The following SORCS2 variants were observed in gnomAD, a reference collection of about 807,000 sequenced individuals.
SORCS2 encodes the protein sortilin related VPS10 domain containing receptor 2.
In SORCS2, 100 loss-of-function variants were observed where a neutral mutation model predicts 141.6. The ratio of observed to expected loss-of-function variants is 0.71; its 90% CI spans 0.60 to 0.83. The LOEUF (loss-of-function observed/expected upper bound fraction) is 0.83. Ranked by LOEUF, SORCS2 falls within the 40% of genes least tolerant of loss-of-function variation. The pLI is 0.00. For missense variants in SORCS2, 1,646 were observed against 1,560.2 expected, an observed-to-expected ratio of 1.05 and a Z score of -0.93; for synonymous variants, 789 against 676.9, an observed-to-expected ratio of 1.17 and a Z score of -2.57.
intron 3 of SORCS2, among the ~76,000 whole-genome samples, chr4:7,605,609 A>G (rs1364351465): frequency 6.6e-6 from 1 of 151,936 alleles, no homozygotes; most frequent in Non-Finnish European, 1.5e-5. Context: ...CTGTTTCCCT[A>G]TTGCTCCCTT....
At chr4:7,573,586 C>T (rs562035449) in intron 3 of SORCS2, among the ~76,000 whole-genome samples, 12 of 152,288 alleles carry the variant, frequency 7.9e-5, no homozygotes, top group Admixed American at 3.3e-4. Context: ...GGTGCAATCT[C>T]GGCTCACTGC....
At chr4:7,295,494 G>A (rs1222994055) in intron 1 of SORCS2, among the ~76,000 whole-genome samples, 2 of 152,118 alleles carry the variant, frequency 1.3e-5, no homozygotes, top group Non-Finnish European at 2.9e-5. Flanking sequence ...GTGGAGCCTG[G>A]CCGTTGGCTC....
chr4:7,410,127 G>A (rs1725209054), intron 2 of SORCS2, among the ~76,000 whole-genome samples: 1 of 152,238 alleles, frequency 6.6e-6, no homozygotes, highest in Non-Finnish European at 1.5e-5. Context: ...CTTCTGCAGA[G>A]TGTCTTACCA....
intron 1 of SORCS2, among the ~76,000 whole-genome samples, chr4:7,302,072 C>T (rs955898278): frequency 2.0e-5 from 3 of 152,226 alleles, no homozygotes; most frequent in Non-Finnish European, 2.9e-5. Context: ...ACCTGCATCC[C>T]GGCTTGCCGG....
intron 26 of SORCS2, 105 bp from the exon 27 acceptor site, chr4:7,740,095 C>T (rs1712537335): frequency 1.1e-6 from 1 of 911,678 alleles, no homozygotes; most frequent in Non-Finnish European, 1.7e-6. Flanking sequence ...AGGCCCACTG[C>T]ACGTTGGCTC....
At chr4:7,661,003 G>T (rs898906227) in intron 5 of SORCS2, among the ~76,000 whole-genome samples, 5 of 152,162 alleles carry the variant, frequency 3.3e-5, no homozygotes, top group African/African-American at 1.2e-4. Context: ...CCTTAGCACT[G>T]TATGGCTCTG....
intron 1 of SORCS2, among the ~76,000 whole-genome samples, chr4:7,240,804 C>G (rs1322992523): frequency 6.6e-6 from 1 of 152,208 alleles, no homozygotes; most frequent in Non-Finnish European, 1.5e-5. Flanking sequence ...CTCCAAAACA[C>G]CCTGAGAGTA....
intron 7 of SORCS2, among the ~76,000 whole-genome samples, chr4:7,666,898 G>T (rs1722537415): frequency 1.3e-5 from 2 of 152,112 alleles, no homozygotes; most frequent in African/African-American, 4.8e-5. Flanking sequence ...CATAGGGAAA[G>T]AAGTTAGTTC....
intron 3 of SORCS2, among the ~76,000 whole-genome samples, chr4:7,569,175 G>A (rs1715212747): frequency 2.0e-5 from 3 of 152,222 alleles, no homozygotes; most frequent in African/African-American, 4.8e-5. Context: ...GATTACGGCA[G>A]GAAGTGAGAG....
chr4:7,684,818 C>T (rs1014522194), intron 10 of SORCS2, among the ~76,000 whole-genome samples: 4 of 152,098 alleles, frequency 2.6e-5, no homozygotes, highest in Non-Finnish European at 5.9e-5. Context: ...AGCCCCCTCC[C>T]CACCACCACC....
At chr4:7,570,514 C>T (rs1254715292) in intron 3 of SORCS2, among the ~76,000 whole-genome samples, 1 of 152,244 alleles carries the variant, frequency 6.6e-6, no homozygotes, top group East Asian at 1.9e-4. Context: ...CTGCATGTCA[C>T]TGTTTTCAAA....
At chr4:7,586,381 T>C (rs1716539877) in intron 3 of SORCS2, among the ~76,000 whole-genome samples, 1 of 152,224 alleles carries the variant, frequency 6.6e-6, no homozygotes, top group Non-Finnish European at 1.5e-5. Context: ...GTTTGTTACA[T>C]AGGTAAATGT....
At chr4:7,519,457 C>T (rs10002923) in intron 2 of SORCS2, among the ~76,000 whole-genome samples, 11,960 of 152,238 alleles carry the variant, frequency 0.079, 1,203 homozygotes, top group African/African-American at 0.23. Context: ...AGTGAGTTCA[C>T]GTCGTGAGTC....
At chr4:7,454,331 G>A (rs1303962794) in intron 2 of SORCS2, among the ~76,000 whole-genome samples, 1 of 107,622 alleles carries the variant, frequency 9.3e-6, no homozygotes, top group Non-Finnish European at 1.9e-5. Flanking sequence ...GGGGTCAGGT[G>A]CTGTGTTGGG....
rs1409948495 is a variant in SORCS2, at chr4:7,692,627, G to A, written c.1591+3039G>A. On this transcript the variant is annotated intron_variant, in intron 11 of 26. Transcript: ENST00000507866. Reference sequence around the variant, plus strand: ...ACTCAGCTGCTCGGGGTTGAACAGAGGAGCAAAGGGATGATGACCGCAGGG... The same window carrying A: ...ACTCAGCTGCTCGGGGTTGAACAGAAGAGCAAAGGGATGATGACCGCAGGG... 3.3e-5 allele frequency among the ~76,000 whole-genome samples: 5 copies of A among 152,216 alleles called. No individual in the cohort carries two copies. The East Asian group carries it at 9.6e-4, about 29-fold the overall frequency.
chr4:7,600,148 A>G (rs1334121259), intron 3 of SORCS2, among the ~76,000 whole-genome samples: 1 of 152,132 alleles, frequency 6.6e-6, no homozygotes. Flanking sequence ...CTAAAGGTTT[A>G]AAAGCATGAG....
intron 4 of SORCS2, among the ~76,000 whole-genome samples, chr4:7,650,439 G>T (rs1721361142): frequency 6.6e-6 from 1 of 152,180 alleles, no homozygotes; most frequent in African/African-American, 2.4e-5. Context: ...AAAGCGGGAG[G>T]CCAGATTCCC....
rs189231024 is a variant in SORCS2, at chr4:7,219,737, C to T, written c.480+26611C>T. On this transcript the variant is annotated intron_variant, in intron 1 of 26. Transcript: ENST00000507866. ...GGTCCCTCCCATGACACGTGGGGATCGTGGGAACTACAATTCAAGATGAGA... is the reference window on the plus strand; with the variant it reads ...GGTCCCTCCCATGACACGTGGGGATTGTGGGAACTACAATTCAAGATGAGA... Among the ~76,000 whole-genome samples, 84 of 152,290 alleles carry T rather than the reference C, an allele frequency of 5.5e-4. No homozygotes were observed. The East Asian group carries it at 6.0e-3, about 11-fold the overall frequency.
intron 4 of SORCS2, among the ~76,000 whole-genome samples, chr4:7,641,818 G>GGATGGA (rs1560449730): frequency 1.1e-4 from 6 of 55,996 alleles, no homozygotes; most frequent in Admixed American, 2.7e-4. Flanking sequence ...GGATGGATGG[G>GGATGGA]TGGGTGGATG....
Sources: allele counts gnomAD v4.1 joint callset (sites outside exome capture counted in the v4.1 genomes callset), GRCh38; gene constraint gnomAD v4.1.1; transcripts MANE v1.5; gene names NCBI Gene and HGNC (gene_info 2026-07-23, HGNC 2026-07-21).